The following TYW1 variants were observed in gnomAD, a reference collection of about 807,000 sequenced individuals.
TYW1 encodes the protein tRNA-yW synthesizing protein 1 homolog.
A neutral mutation model predicts 96.2 loss-of-function variants in TYW1; 46 were observed. That is an observed-to-expected ratio of 0.48 (90% CI 0.38 to 0.61). The LOEUF is 0.61. Ranked by LOEUF, TYW1 falls within the 20% of genes least tolerant of loss-of-function variation. The pLI is 0.00. For missense variants in TYW1, 684 were observed against 909.6 expected (o/e 0.75, Z 3.19); for synonymous variants, 274 against 323.0 (o/e 0.85, Z 1.63).
intron 13 of TYW1, among the ~76,000 whole-genome samples, chr7:67,136,711 A>G (rs1462131490): frequency 1.3e-5 from 2 of 151,724 alleles, no homozygotes; most frequent in East Asian, 3.9e-4. Flanking sequence ...TGACATCACT[A>G]TATTAGGGCA....
chr7:67,181,722 A>T (rs749867168), intron 13 of TYW1, among the ~76,000 whole-genome samples: 3 of 152,066 alleles, frequency 2.0e-5, no homozygotes, highest in Admixed American at 6.6e-5. Flanking sequence ...TGTACATAGA[A>T]CCACATGCAT....
chr7:67,173,320 C>T (rs1372029417), intron 13 of TYW1, among the ~76,000 whole-genome samples: 1 of 152,142 alleles, frequency 6.6e-6, no homozygotes, highest in Non-Finnish European at 1.5e-5. Flanking sequence ...GGTCATTTGT[C>T]ATTAGAATTT....
intron 9 of TYW1, among the ~76,000 whole-genome samples, chr7:67,056,472 A>G (rs564755304): frequency 1.3e-5 from 2 of 150,592 alleles, no homozygotes; most frequent in East Asian, 2.0e-4. Context: ...AGCCTGGGTG[A>G]TAAGAGTGAG....
intron 7 of TYW1, among the ~76,000 whole-genome samples, chr7:67,042,489 A>G (rs906710934): frequency 3.3e-5 from 5 of 152,232 alleles, no homozygotes; most frequent in African/African-American, 1.2e-4. Flanking sequence ...GGGGAACCCT[A>G]AACAGTTTGG....
At chr7:67,009,962 C>G (rs1260555622) in intron 4 of TYW1, among the ~76,000 whole-genome samples, 3 of 151,610 alleles carry the variant, frequency 2.0e-5, no homozygotes, top group Non-Finnish European at 2.9e-5. Context: ...TTCACTCCTT[C>G]CCACAATTTT....
At chr7:67,115,897 C>T (rs1797579848) in intron 12 of TYW1, among the ~76,000 whole-genome samples, 1 of 152,064 alleles carries the variant, frequency 6.6e-6, no homozygotes, top group South Asian at 2.1e-4. Context: ...TTGTGGAATC[C>T]TTATAGAAAA....
intron 15 of TYW1, among the ~76,000 whole-genome samples, chr7:67,202,128 C>T (rs758192834): frequency 1.3e-5 from 2 of 152,204 alleles, no homozygotes; most frequent in African/African-American, 4.8e-5. Context: ...TATGTGTTTT[C>T]TGGCGCTTCT....
At chr7:67,228,382 A>C (rs948248679) in intron 15 of TYW1, among the ~76,000 whole-genome samples, 24 of 152,270 alleles carry the variant, frequency 1.6e-4, no homozygotes, top group African/African-American at 5.1e-4. Flanking sequence ...TCACTATCTC[A>C]AGAACAGCAC....
chr7:67,020,465 C>T (rs1264752258), intron 6 of TYW1, among the ~76,000 whole-genome samples: 1 of 152,236 alleles, frequency 6.6e-6, no homozygotes, highest in East Asian at 1.9e-4. Flanking sequence ...GTCTCAATCT[C>T]CTGACCTCGT....
chr7:67,082,392 C>T (rs1796417047), intron 10 of TYW1, among the ~76,000 whole-genome samples: 3 of 152,146 alleles, frequency 2.0e-5, no homozygotes, highest in Admixed American at 1.3e-4. Context: ...TTTCTTTGGC[C>T]ATAATCGGTG....
rs767521392 is a variant in TYW1, at chr7:67,024,910, C to G, written c.872C>G (p.Pro291Arg). Residue 291 changes from proline (P) to arginine (R), a missense_variant, in exon 7 of 16, where the codon CCC (proline) becomes CGC (arginine). Transcript: ENST00000359626. Reference sequence around the variant, plus strand: ...GCATTTCTCTTCCAGGAGGAAGAACCCTTTGAGAGCTCCAGTGAAGAAGAG... The same window carrying G: ...GCATTTCTCTTCCAGGAGGAAGAACGCTTTGAGAGCTCCAGTGAAGAAGAG... ...LHHRDTEEEE[P>R]FESSSEEEFG... 4 of 1,613,574 alleles carry G rather than the reference C, an allele frequency of 2.5e-6. No individual in the cohort carries two copies. The highest frequency in any genetic ancestry group is 2.7e-5 in the African/African-American group (2 of 74,846).
intron 13 of TYW1, among the ~76,000 whole-genome samples, chr7:67,122,668 T>G (rs141418902): frequency 0.02 from 3,033 of 152,364 alleles, 34 homozygotes; most frequent in Middle Eastern, 0.031. Flanking sequence ...GTATTTTTCC[T>G]TATCATTACA....
At chr7:67,072,236 C>A (rs1343803852) in intron 10 of TYW1, among the ~76,000 whole-genome samples, 1 of 147,344 alleles carries the variant, frequency 6.8e-6, no homozygotes, top group Non-Finnish European at 1.5e-5. Context: ...CCTTTGTTAA[C>A]CCCTCTACCC....
intron 5 of TYW1, among the ~76,000 whole-genome samples, chr7:67,015,962 C>CAAAAAAAAA (rs56663072): frequency 8.4e-6 from 1 of 119,302 alleles, no homozygotes; most frequent in Non-Finnish European, 1.8e-5. Context: ...GACTATGTCT[C>CAAAAAAAAA]AAAAAAAAAA....
At position 67,178,940 on chromosome 7, in the gene TYW1, A is replaced by G. The variant is rs544641458; in HGVS notation, c.1699-4186A>G. On this transcript the variant is annotated intron_variant, in intron 13 of 15. Coordinates refer to ENST00000359626, the MANE Select transcript of TYW1 (RefSeq NM_018264.4). ...TGAGAGAGAGCCTATTCTGGTTCCTACTGTTGCATGACAGGTGAGCCCCAA... is the reference window on the plus strand; with the variant it reads ...TGAGAGAGAGCCTATTCTGGTTCCTGCTGTTGCATGACAGGTGAGCCCCAA... 5.8e-5 allele frequency among the ~76,000 whole-genome samples: 8 copies of G among 137,602 alleles called. No individual in the cohort carries two copies. The East Asian group carries it at 1.6e-3, about 27-fold the overall frequency. The allele number at this position is 137,602 out of a possible 152,430, so 90.3% of individuals were successfully genotyped here.
chr7:67,175,452 T>C (rs1045830987), intron 13 of TYW1, among the ~76,000 whole-genome samples: 5 of 152,204 alleles, frequency 3.3e-5, no homozygotes, highest in African/African-American at 1.2e-4. Context: ...ATTACAGGCA[T>C]AAGCCACTGC....
chr7:67,122,432 C>T (rs527679139), intron 13 of TYW1, among the ~76,000 whole-genome samples: 95 of 152,152 alleles, frequency 6.2e-4, no homozygotes, highest in Middle Eastern at 3.4e-3. Context: ...CACATTTGGC[C>T]TTATATCAGG....
chr7:67,014,649 G>C, intron 5 of TYW1, 88 bp downstream of exon 5: 9 of 1,448,640 alleles, frequency 6.2e-6, no homozygotes, highest in Non-Finnish European at 8.4e-6. Context: ...GTGCACACAC[G>C]CACACACACA....
intron 11 of TYW1, 26 bp downstream of exon 11, chr7:67,083,565 A>G (rs1164752919): frequency 6.2e-7 from 1 of 1,612,344 alleles, no homozygotes; most frequent in Non-Finnish European, 8.5e-7. Context: ...CTACAAAGGA[A>G]TGCTAATACC....
Sources: allele counts gnomAD v4.1 joint callset (sites outside exome capture counted in the v4.1 genomes callset), GRCh38; gene constraint gnomAD v4.1.1; transcripts MANE v1.5; gene names NCBI Gene and HGNC (gene_info 2026-07-23, HGNC 2026-07-21).